The following CYSLTR2 variants were observed in gnomAD, a reference collection of about 807,000 sequenced individuals.
CYSLTR2 encodes the protein cysteinyl leukotriene receptor 2.
For synonymous variants in CYSLTR2, 179 were observed against 160.8 expected, an observed-to-expected ratio of 1.11 and a Z score of -0.86; for missense variants, 398 against 411.9, an observed-to-expected ratio of 0.97 and a Z score of 0.29.
intron 1 of CYSLTR2, among the ~76,000 whole-genome samples, chr13:48,680,272 G>A (rs776251125): frequency 6.6e-6 from 1 of 152,196 alleles, no homozygotes; most frequent in East Asian, 1.9e-4. Flanking sequence ...AGAGGGGTTA[G>A]TGGGGGAGGA....
chr13:48,694,899 TTTGCAATCAAAA>T (rs1472376674), intron 3 of CYSLTR2: 1 of 152,028 alleles, frequency 6.6e-6, no homozygotes. Context: ...TAGATGGAAT[TTTGCAATCAAAA>T]TTGCAGGGTA....
chr13:48,668,032 C>T (rs1237327914), intron 1 of CYSLTR2, among the ~76,000 whole-genome samples: 1 of 152,032 alleles, frequency 6.6e-6, no homozygotes, highest in Admixed American at 6.6e-5. Context: ...ACTTGTTTGC[C>T]TAGTGATGAT....
intron 1 of CYSLTR2, among the ~76,000 whole-genome samples, chr13:48,670,252 C>A (rs1953388326): frequency 6.6e-6 from 1 of 152,174 alleles, no homozygotes; most frequent in Admixed American, 6.5e-5. Flanking sequence ...AAGATAGTTT[C>A]TTTTGCTGTG....
intron 1 of CYSLTR2, among the ~76,000 whole-genome samples, chr13:48,659,314 T>C (rs1953072036): frequency 6.6e-6 from 1 of 152,218 alleles, no homozygotes; most frequent in African/African-American, 2.4e-5. Context: ...TGCTGCCTCC[T>C]GGGGTCCTCT....
chr13:48,706,749 T>C, intron 4 of CYSLTR2, 68 bp from the exon 5 acceptor site: 1 of 1,248,000 alleles, frequency 8.0e-7, no homozygotes, highest in South Asian at 1.4e-5. Flanking sequence ...AGAGATGTAA[T>C]CAGTAAGCAA....
At position 48,706,971 on chromosome 13, in the gene CYSLTR2, G is replaced by T. The variant is rs1469373299; in HGVS notation, c.154G>T (p.Gly52Ter). The stretch of plus-strand genomic sequence containing the variant: ...TGTATATCTGATAATATTTTTCTGG[G>T]GAGTCTTGGGAAATGGGTTGTCCAT... ...PIVYLIIFFW[G>*]VLGNGLSIYV... Residue 52 changes from glycine (G) to a stop codon, truncating the protein, a stop_gained, in exon 5 of 5, where the codon GGA (glycine) becomes TGA (stop). Coordinates refer to ENST00000682523, the MANE Select transcript of CYSLTR2 (RefSeq NM_001308476.3). LOFTEE classifies it low-confidence loss of function (END_TRUNC). 6.2e-7 allele frequency: 1 copy of T among 1,614,134 alleles called. No homozygotes were observed. The highest frequency in any genetic ancestry group is 2.2e-5 in the East Asian group (1 of 44,882).
intron 1 of CYSLTR2, among the ~76,000 whole-genome samples, chr13:48,689,187 T>G (rs934112203): frequency 2.0e-5 from 3 of 152,186 alleles, no homozygotes; most frequent in Non-Finnish European, 2.9e-5. Context: ...TTGCAAAAAT[T>G]TTCTCCCATT....
chr13:48,689,266 T>C (rs1193452761), intron 1 of CYSLTR2, among the ~76,000 whole-genome samples: 3 of 152,214 alleles, frequency 2.0e-5, no homozygotes, highest in African/African-American at 7.2e-5. Context: ...TTTAATTAGA[T>C]CCCATTTGTC....
intron 1 of CYSLTR2, among the ~76,000 whole-genome samples, chr13:48,682,830 A>G (rs755813995): frequency 6.6e-6 from 1 of 152,082 alleles, no homozygotes; most frequent in Non-Finnish European, 1.5e-5. Flanking sequence ...TCAGTCAAGT[A>G]CTAAGCTTAG....
chr13:48,663,013 G>A (rs1014311940), intron 1 of CYSLTR2, among the ~76,000 whole-genome samples: 3 of 152,062 alleles, frequency 2.0e-5, no homozygotes, highest in Non-Finnish European at 2.9e-5. Flanking sequence ...TCCATTTTGA[G>A]TTAAATTTTG....
At chr13:48,662,083 G>A (rs531690883) in intron 1 of CYSLTR2, among the ~76,000 whole-genome samples, 199 of 152,118 alleles carry the variant, frequency 1.3e-3, no homozygotes, top group Non-Finnish European at 2.4e-3. Context: ...CCACATATGA[G>A]TGAGAACATA....
At chr13:48,680,913 G>C (rs1460482287) in intron 1 of CYSLTR2, among the ~76,000 whole-genome samples, 1 of 150,188 alleles carries the variant, frequency 6.7e-6, no homozygotes, top group East Asian at 2.0e-4. Context: ...TTTCTCAAGA[G>C]AAAGTGTCGA....
At chr13:48,683,856 G>A (rs893379092) in intron 1 of CYSLTR2, among the ~76,000 whole-genome samples, 3 of 152,056 alleles carry the variant, frequency 2.0e-5, no homozygotes, top group African/African-American at 4.8e-5. Flanking sequence ...AAATTTAGAG[G>A]ATTATAATGG....
Position 48,707,907 on chromosome 13 carries a change from T to G in CYSLTR2, c.*49T>G, listed in dbSNP as rs144753565. On this transcript the variant is annotated 3_prime_UTR_variant, in exon 5 of 5. Transcript: ENST00000682523. ...CTTGTATCCTTGTGTCCATCTTCAT[T>G]CACTCATAGTCTCCAAATGACTTTG... The G allele has an allele frequency of 6.2e-3, 8,646 of 1,394,700 alleles. 41 individuals are homozygous for G. The highest frequency in any genetic ancestry group is 0.016 in the Middle Eastern group (85 of 5,190). 86.4% of individuals were successfully genotyped at this position (1,394,700 alleles called of 1,614,324 possible).
chr13:48,668,049 C>T (rs1219403360), intron 1 of CYSLTR2, among the ~76,000 whole-genome samples: 1 of 152,088 alleles, frequency 6.6e-6, no homozygotes, highest in Non-Finnish European at 1.5e-5. Context: ...TGATGTTTAC[C>T]AAGTTCCCTC....
intron 1 of CYSLTR2, among the ~76,000 whole-genome samples, chr13:48,686,315 A>G (rs1953892872): frequency 6.6e-6 from 1 of 152,192 alleles, no homozygotes; most frequent in Admixed American, 6.6e-5. Flanking sequence ...GTCAAAGGCC[A>G]TTAGAGACAT....
chr13:48,686,171 T>C lies in CYSLTR2; in HGVS notation c.-265-5041T>C, dbSNP rs148795799. Reference sequence around the variant, plus strand: ...CTTCACATAGATTTCTAAAGAAGAATTGAAAAATATTCTTGCTGCATCAGA... The same window carrying C: ...CTTCACATAGATTTCTAAAGAAGAACTGAAAAATATTCTTGCTGCATCAGA... On this transcript the variant is annotated intron_variant, in intron 1 of 4. Coordinates refer to ENST00000682523, the MANE Select transcript of CYSLTR2 (RefSeq NM_001308476.3). Among the ~76,000 whole-genome samples, 114 of 152,322 alleles carry C rather than the reference T, an allele frequency of 7.5e-4. 2 individuals are homozygous for C. The highest frequency in any genetic ancestry group is 2.7e-3 in the African/African-American group (114 of 41,574).
chr13:48,666,227 TTC>T (rs2138831048), intron 1 of CYSLTR2, among the ~76,000 whole-genome samples: 1 of 152,310 alleles, frequency 6.6e-6, no homozygotes, highest in African/African-American at 2.4e-5. Flanking sequence ...ATCATCCCAA[TTC>T]TCTCTTGACC....
chr13:48,690,110 C>T lies in CYSLTR2; in HGVS notation c.-265-1102C>T, dbSNP rs142634964. 6.6e-3 allele frequency among the ~76,000 whole-genome samples: 997 copies of T among 152,204 alleles called. 5 individuals are homozygous for T. Among genetic ancestry groups the T allele is most frequent in the Middle Eastern group, 0.027 (8 of 294 alleles). ...TAATTTTTGCACATTGATTTTGTAT[C>T]CTGAGACTTTGCTGAATTTGCTTTG... On this transcript the variant is annotated intron_variant, in intron 1 of 4. Transcript: ENST00000682523.
Sources: gnomAD v4.1 joint callset for allele counts (sites outside exome capture counted in the v4.1 genomes callset) on GRCh38, gnomAD v4.1.1 for gene constraint, MANE v1.5 for transcripts, NCBI Gene and HGNC (gene_info 2026-07-23, HGNC 2026-07-21) for gene names.